GALNT9: variants seen among roughly 807,000 people sequenced by gnomAD.
GALNT9 encodes the protein polypeptide N-acetylgalactosaminyltransferase 9, also known as GalNAc transferase 9.
GALNT9 carries 47 observed loss-of-function variants against 63.1 expected under a neutral mutation model. The observed-to-expected ratio is 0.75, with a 90% confidence interval of 0.59 to 0.95. The LOEUF (loss-of-function observed/expected upper bound fraction) is 0.95, where lower values mean the gene tolerates loss of function less well. GALNT9 is among the 40% of genes least tolerant of loss of function. The probability of loss-of-function intolerance (pLI) is 0.00; values close to 1 mark genes in which losing one functional copy is unlikely to be tolerated. For synonymous variants in GALNT9, 396 were observed against 365.7 expected (o/e 1.08, Z -0.94); for missense variants, 829 against 874.8 (o/e 0.95, Z 0.66).
chr12:132,313,344 T>A, intron 1 of GALNT9, among the ~76,000 whole-genome samples: 1 of 127,758 alleles, frequency 7.8e-6, no homozygotes, highest in Non-Finnish European at 1.6e-5. Flanking sequence ...CACTCACCCA[T>A]CCATCTCTCC....
chr12:132,211,977 T>C (rs377547331), intron 6 of GALNT9, among the ~76,000 whole-genome samples: 1 of 152,226 alleles, frequency 6.6e-6, no homozygotes, highest in Non-Finnish European at 1.5e-5. Context: ...GCTGGGACCA[T>C]GTCTGCAGCT....
intron 6 of GALNT9, chr12:132,240,720 T>C (rs1432724914): frequency 2.2e-6 from 1 of 455,802 alleles, no homozygotes; most frequent in Non-Finnish European, 4.4e-6. Flanking sequence ...GCTGGAACCC[T>C]TCTGTTTCCT....
rs1167376027 is a variant in GALNT9 at position 132,315,233 on chromosome 12, G to A, written c.238+13733C>T. On this transcript the variant is annotated intron_variant, in intron 1 of 10. Transcript: ENST00000328957. The surrounding 1 kb of genome is among the most constrained non-coding windows in gnomAD (Gnocchi z 6.1). Reference sequence around the variant, plus strand: ...CCCCCGTGTCCACTGCAAAGTGCTGGAGCCTCAGAATATAATCAGGGCGGC... The same window carrying A: ...CCCCCGTGTCCACTGCAAAGTGCTGAAGCCTCAGAATATAATCAGGGCGGC... 2.2e-5 allele frequency among the ~76,000 whole-genome samples: 3 copies of A among 133,944 alleles called. No homozygotes were observed. The highest frequency in any genetic ancestry group is 1.5e-4 in the Admixed American group (2 of 13,718). 87.9% of individuals were successfully genotyped at this position (133,944 alleles called of 152,430 possible).
At chr12:132,259,565 G>C (rs1322128700) in intron 4 of GALNT9, among the ~76,000 whole-genome samples, 1 of 152,226 alleles carries the variant, frequency 6.6e-6, no homozygotes, top group African/African-American at 2.4e-5. Flanking sequence ...AGATGCCCCA[G>C]GAAAGCCGAG....
intron 8 of GALNT9, chr12:132,200,918 C>T (rs1419086292): frequency 1.4e-5 from 8 of 571,976 alleles, no homozygotes; most frequent in South Asian, 2.1e-5. Flanking sequence ...TGTGTGTGCA[C>T]GTGGATGTGC....
At chr12:132,303,221 G>A (rs61945664) in intron 1 of GALNT9, among the ~76,000 whole-genome samples, 40,843 of 151,864 alleles carry the variant, frequency 0.27, 5,819 homozygotes, top group Middle Eastern at 0.35. Flanking sequence ...AGGCTGGGCA[G>A]GCGCCCTGAG....
chr12:132,263,416 AC>A (rs201210095), intron 2 of GALNT9, among the ~76,000 whole-genome samples: 2,197 of 152,292 alleles, frequency 0.014, 55 homozygotes, highest in African/African-American at 0.049. Flanking sequence ...GAAAGGAAGT[AC>A]GTCCTAGGAC....
intron 2 of GALNT9, chr12:132,272,998 C>T (rs528717992): frequency 6.6e-6 from 1 of 152,506 alleles, no homozygotes; most frequent in Admixed American, 6.5e-5. Flanking sequence ...CATTGAGTTC[C>T]TGAGATTCCA....
rs533547250 is a variant in GALNT9 at position 132,199,111 on chromosome 12, A to AG, written c.1497+62dup. ...GACCCGTGCCTCTGCCCCAGGGTGT[A>AG]GGGTCCGGGTGGCCTGGGGTCGTCC... On this transcript the variant is annotated intron_variant, in intron 9 of 10. Transcript: ENST00000328957. 2.9e-4 allele frequency: 314 copies of AG among 1,072,852 alleles called. 5 individuals are homozygous for AG. The South Asian group carries it at 3.9e-3, about 13-fold the overall frequency. 66.5% of individuals were successfully genotyped at this position (1,072,852 alleles called of 1,614,324 possible). A position where few individuals can be genotyped will look rare whatever the true frequency, so the allele number is the denominator to read the frequency against.
At chr12:132,230,167 C>T (rs1287815813) in intron 6 of GALNT9, among the ~76,000 whole-genome samples, 2 of 152,106 alleles carry the variant, frequency 1.3e-5, no homozygotes, top group Non-Finnish European at 2.9e-5. Context: ...GGAGAGGCCG[C>T]GCACAGCCAC....
intron 2 of GALNT9, among the ~76,000 whole-genome samples, chr12:132,270,725 C>T (rs1433551732): frequency 6.6e-6 from 1 of 152,230 alleles, no homozygotes; most frequent in Non-Finnish European, 1.5e-5. Context: ...GCCACGGCCA[C>T]AGCCACAGCC....
At chr12:132,221,042 A>G (rs2135520027) in intron 6 of GALNT9, among the ~76,000 whole-genome samples, 2 of 79,616 alleles carry the variant, frequency 2.5e-5, no homozygotes, top group South Asian at 5.7e-4. Flanking sequence ...GGTGAGAGTG[A>G]GATTGTGTCA....
chr12:132,221,416 T>A (rs1877443763), intron 6 of GALNT9, among the ~76,000 whole-genome samples: 1 of 138,306 alleles, frequency 7.2e-6, no homozygotes, highest in African/African-American at 2.7e-5. Flanking sequence ...ATCCCAGCAC[T>A]TTGGGAGGCC....
intron 6 of GALNT9, among the ~76,000 whole-genome samples, chr12:132,225,278 ACCC>A (rs1877607295): frequency 1.4e-5 from 1 of 70,094 alleles, no homozygotes; most frequent in Non-Finnish European, 2.8e-5. Flanking sequence ...CACACAACCC[ACCC>A]CACACTACAT....
At chr12:132,215,617 C>T (rs1044741296) in intron 6 of GALNT9, among the ~76,000 whole-genome samples, 1 of 152,378 alleles carries the variant, frequency 6.6e-6, no homozygotes, top group Middle Eastern at 3.4e-3. Context: ...GCTCCAAGAC[C>T]GAGGTTCAAG....
chr12:132,310,787 C>T lies in GALNT9; in HGVS notation c.238+18179G>A, dbSNP rs1881784434. Among the ~76,000 whole-genome samples the T allele has an allele frequency of 6.6e-6, 1 of 152,182 alleles. No individual in the cohort carries two copies. Among genetic ancestry groups the T allele is most frequent in the Admixed American group, 6.5e-5 (1 of 15,280 alleles). ...GCGCGCTGGGAAGGTGGGAGCCACG[C>T]TGTCCTCCCACGCAAAGAGGAACTA... On this transcript the variant is annotated intron_variant, in intron 1 of 10. Coordinates refer to ENST00000328957, the MANE Select transcript of GALNT9 (RefSeq NM_001122636.2). This position sits in a 1 kb window ranked among gnomAD's most constrained non-coding sequence, Gnocchi z 4.8.
At chr12:132,224,598 A>C (rs1877571091) in intron 6 of GALNT9, among the ~76,000 whole-genome samples, 2 of 105,416 alleles carry the variant, frequency 1.9e-5, no homozygotes, top group African/African-American at 3.8e-5. Flanking sequence ...CACAACCCAC[A>C]CCCCACAAAC....
chr12:132,213,535 C>A (rs886284963), intron 6 of GALNT9, among the ~76,000 whole-genome samples: 3 of 151,570 alleles, frequency 2.0e-5, no homozygotes, highest in African/African-American at 7.3e-5. Context: ...GCACTCCCAC[C>A]CACATACAGG....
rs767613502 is a variant in GALNT9 at position 132,203,695 on chromosome 12, G to A, written c.1078-5C>T. 4.8e-5 allele frequency: 78 copies of A among 1,610,330 alleles called. 1 individual carries two copies. The highest frequency in any genetic ancestry group is 3.7e-4 in the South Asian group (34 of 90,986). On this transcript the variant is annotated splice_polypyrimidine_tract_variant and splice_region_variant and intron_variant, in intron 6 of 10. Transcript: ENST00000328957. ...GCTGCCGCCACACTGCCACACCTGC[G>A]GGGAGACGGCGCTGGGTGCCGGCGT...
Sources: gnomAD v4.1 joint callset for allele counts (sites outside exome capture counted in the v4.1 genomes callset) on GRCh38, gnomAD v4.1.1 for gene constraint, Gnocchi (gnomAD v3.1) non-coding constraint, MANE v1.5 for transcripts, NCBI Gene and HGNC (gene_info 2026-07-23, HGNC 2026-07-21) for gene names.